NCKAP5: variants seen among roughly 807,000 people sequenced by gnomAD.
NCKAP5 encodes the protein nck-associated protein 5.
Under a neutral mutation model 167.0 loss-of-function variants are expected in NCKAP5, and 92 were observed. The ratio of observed to expected loss-of-function variants is 0.55; its 90% CI spans 0.47 to 0.66. The LOEUF is 0.66. Among genes scored for constraint, NCKAP5 ranks in the 30% least tolerant of loss-of-function variants. The pLI is 0.00. For synonymous variants in NCKAP5, 891 were observed against 877.4 expected, an observed-to-expected ratio of 1.02 and a Z score of -0.27; for missense variants, 2,378 against 2,315.0, an observed-to-expected ratio of 1.03 and a Z score of -0.56.
chr2:132,728,541 C>T (rs1316222711), intron 18 of NCKAP5, among the ~76,000 whole-genome samples: 1 of 152,076 alleles, frequency 6.6e-6, no homozygotes, highest in African/African-American at 2.4e-5. Flanking sequence ...AATGCTTGTC[C>T]CACAATATCT....
chr2:132,680,517 G>A (rs529578630), intron 19 of NCKAP5, among the ~76,000 whole-genome samples: 2 of 152,214 alleles, frequency 1.3e-5, no homozygotes, highest in South Asian at 2.1e-4. Flanking sequence ...AAAAGAGCAA[G>A]CAAAGAGAAG....
intron 2 of NCKAP5, among the ~76,000 whole-genome samples, chr2:133,532,166 G>A (rs548799139): frequency 6.6e-6 from 1 of 152,198 alleles, no homozygotes; most frequent in Non-Finnish European, 1.5e-5. Context: ...ATGCTGATAA[G>A]AGAATTCTAG....
rs147268783 is a variant in NCKAP5, at chr2:133,336,595, A to G, written c.70-33485T>C. On this transcript the variant is annotated intron_variant, in intron 3 of 19. Coordinates refer to ENST00000409261, the MANE Select transcript of NCKAP5 (RefSeq NM_207363.3). ...AAGTTGCATTTAGAAGCAAAAACAA[A>G]CAATATTTTCATATATATTACTGGA... Among the ~76,000 whole-genome samples, 179 of 152,338 alleles carry G rather than the reference A, an allele frequency of 1.2e-3. 1 individual carries two copies. Among genetic ancestry groups the G allele is most frequent in the African/African-American group, 4.2e-3 (174 of 41,586 alleles).
At chr2:133,249,321 G>C (rs1441207171) in intron 4 of NCKAP5, among the ~76,000 whole-genome samples, 2 of 152,076 alleles carry the variant, frequency 1.3e-5, no homozygotes, top group Non-Finnish European at 1.5e-5. Flanking sequence ...ATGGATGTAG[G>C]GGTCAAAGTG....
intron 4 of NCKAP5, among the ~76,000 whole-genome samples, chr2:133,297,679 A>G (rs984709795): frequency 6.6e-6 from 1 of 152,220 alleles, no homozygotes; most frequent in East Asian, 1.9e-4. Flanking sequence ...CAACAAGAGT[A>G]TGCCTTATTT....
intron 4 of NCKAP5, among the ~76,000 whole-genome samples, chr2:133,260,803 T>C (rs1244951948): frequency 6.6e-6 from 1 of 152,210 alleles, no homozygotes; most frequent in African/African-American, 2.4e-5. Flanking sequence ...CAAATTTGCA[T>C]CAGGTGAACT....
chr2:132,764,977 TTTAA>T (rs1681330084), intron 16 of NCKAP5, among the ~76,000 whole-genome samples: 2 of 152,258 alleles, frequency 1.3e-5, no homozygotes, highest in South Asian at 4.1e-4. Flanking sequence ...TTATCGGGAC[TTTAA>T]TTGATTGGCA....
At chr2:132,972,218 A>G (rs907158683) in intron 7 of NCKAP5, among the ~76,000 whole-genome samples, 1 of 152,140 alleles carries the variant, frequency 6.6e-6, no homozygotes, top group Non-Finnish European at 1.5e-5. Flanking sequence ...TCTACCTTCA[A>G]GTGATGAGAG....
At chr2:133,020,796 A>C (rs2078499330) in intron 6 of NCKAP5, among the ~76,000 whole-genome samples, 1 of 152,206 alleles carries the variant, frequency 6.6e-6, no homozygotes, top group Non-Finnish European at 1.5e-5. Context: ...GGACATCCTC[A>C]CAACACAAGG....
At chr2:132,872,345 G>C (rs867212165) in intron 9 of NCKAP5, among the ~76,000 whole-genome samples, 1 of 152,154 alleles carries the variant, frequency 6.6e-6, no homozygotes, top group East Asian at 1.9e-4. Context: ...CTAACACATG[G>C]CTGATCTTCT....
At chr2:132,674,304 A>G (rs1684145430) in intron 19 of NCKAP5, among the ~76,000 whole-genome samples, 1 of 152,208 alleles carries the variant, frequency 6.6e-6, no homozygotes, top group Non-Finnish European at 1.5e-5. Context: ...CAAACCTACA[A>G]GGTAAACGAC....
intron 3 of NCKAP5, among the ~76,000 whole-genome samples, chr2:133,445,285 G>A (rs933603097): frequency 6.6e-6 from 1 of 152,034 alleles, no homozygotes; most frequent in African/African-American, 2.4e-5. Context: ...AAACCCTGAT[G>A]CTAGGTATTG....
chr2:132,930,547 T>C (rs1696292012), intron 8 of NCKAP5: 1 of 152,164 alleles, frequency 6.6e-6, no homozygotes, highest in Non-Finnish European at 1.5e-5. Context: ...GCATAGGAGC[T>C]CCCGGCTCTC....
At chr2:133,440,641 C>T (rs566248065) in intron 3 of NCKAP5, among the ~76,000 whole-genome samples, 64 of 126,454 alleles carry the variant, frequency 5.1e-4, no homozygotes, top group Non-Finnish European at 8.1e-4. Context: ...ACCCAGGAGG[C>T]GGAGCTTGCA....
intron 4 of NCKAP5, among the ~76,000 whole-genome samples, chr2:133,271,627 G>A (rs1422575413): frequency 1.3e-5 from 2 of 152,274 alleles, no homozygotes; most frequent in East Asian, 3.9e-4. Context: ...AGTGTTCATA[G>A]AGAATTAAAA....
At chr2:132,998,634 C>T (rs1339899114) in intron 6 of NCKAP5, among the ~76,000 whole-genome samples, 2 of 152,170 alleles carry the variant, frequency 1.3e-5, no homozygotes, top group Admixed American at 1.3e-4. Flanking sequence ...ACAAACTTCT[C>T]TATTTTCCCA....
chr2:133,449,934 CTG>C (rs1691441096), intron 3 of NCKAP5, among the ~76,000 whole-genome samples: 1 of 151,918 alleles, frequency 6.6e-6, no homozygotes, highest in African/African-American at 2.4e-5. Flanking sequence ...TGCCAAATGT[CTG>C]TGCATCTCTA....
chr2:133,599,358 G>A, the NCKAP5 span, among the ~76,000 whole-genome samples: 2 of 152,138 alleles, frequency 1.3e-5, no homozygotes, highest in African/African-American at 4.8e-5. Flanking sequence ...TGTCTCTAGG[G>A]GTAGTGGGAG....
At chr2:132,861,476 A>G (rs530104281) in intron 10 of NCKAP5, among the ~76,000 whole-genome samples, 15 of 148,260 alleles carry the variant, frequency 1.0e-4, no homozygotes, top group African/African-American at 3.8e-4. Flanking sequence ...ATTTCAAACT[A>G]TCTTTCACTA....
Sources: allele counts gnomAD v4.1 joint callset (sites outside exome capture counted in the v4.1 genomes callset), GRCh38; gene constraint gnomAD v4.1.1; transcripts MANE v1.5; gene names NCBI Gene and HGNC (gene_info 2026-07-23, HGNC 2026-07-21).